Variants in UGT1A10 observed in about 807,000 individuals in gnomAD.
UGT1A10 encodes the protein UDP-glucuronosyltransferase 1A10.
UGT1A10 carries 49 observed loss-of-function variants against 45.8 expected under a neutral mutation model. That is an observed-to-expected ratio of 1.07 (90% confidence interval 0.85 to 1.36). UGT1A10 has a LOEUF of 1.36. Ranked by LOEUF, UGT1A10 falls within the 40% of genes most tolerant of loss-of-function variation. The pLI, the probability that UGT1A10 is intolerant of heterozygous loss-of-function variation, is 0.00. For synonymous variants in UGT1A10, 284 were observed against 249.7 expected (o/e 1.14, Z -1.29); for missense variants, 745 against 668.6 (o/e 1.11, Z -1.26).
At chr2:233,729,375 G>T (rs148006660) in intron 1 of UGT1A10, 2 of 1,613,886 alleles carry the variant, frequency 1.2e-6, no homozygotes, top group Non-Finnish European at 1.7e-6. Flanking sequence ...ATGCCATTTC[G>T]TGGACCCAGG....
At chr2:233,709,172 T>C (rs2076061956) in intron 1 of UGT1A10, among the ~76,000 whole-genome samples, 1 of 152,170 alleles carries the variant, frequency 6.6e-6, no homozygotes, top group South Asian at 2.1e-4. Flanking sequence ...GGTCACATGT[T>C]CTATCCTGAG....
chr2:233,690,724 A>G (rs982739962), intron 1 of UGT1A10: 1 of 1,213,628 alleles, frequency 8.2e-7, no homozygotes, highest in Non-Finnish European at 1.0e-6. Context: ...ACGAACAGAC[A>G]TGCCAGATTC....
intron 1 of UGT1A10, among the ~76,000 whole-genome samples, chr2:233,757,266 G>A (rs1402827144): frequency 1.5e-5 from 2 of 132,588 alleles, no homozygotes; most frequent in African/African-American, 5.6e-5. Context: ...GGTGGCAGCC[G>A]ATGCAATGAT....
At chr2:233,693,360 T>C (rs1395029854) in intron 1 of UGT1A10, 19 of 1,614,090 alleles carry the variant, frequency 1.2e-5, no homozygotes, top group Non-Finnish European at 1.6e-5. Context: ...ATGATTGTTA[T>C]TGGCCTGTAC....
chr2:233,717,910 C>T (rs533075962), intron 1 of UGT1A10: 5 of 454,782 alleles, frequency 1.1e-5, no homozygotes, highest in Admixed American at 4.7e-5. Context: ...GAAATAAAGG[C>T]CTGGATGAAT....
In UGT1A10 at chr2:233,760,331, T is replaced by G. The variant is rs111033541; in HGVS notation, c.856-6703T>G. ...GGCGGACGCCCACTTGTCCTGGGCCTGCTGCTGTGTGTGCTGGGCCCAGTG... is the reference window on the plus strand; with the variant it reads ...GGCGGACGCCCACTTGTCCTGGGCCGGCTGCTGTGTGTGCTGGGCCCAGTG... On this transcript the variant is annotated intron_variant, in intron 1 of 4. Transcript: ENST00000344644. 1.9e-6 allele frequency: 3 copies of G among 1,614,080 alleles called. No individual in the cohort carries two copies. Among genetic ancestry groups the G allele is most frequent in the Non-Finnish European group, 2.5e-6 (3 of 1,179,954 alleles).
chr2:233,748,135 T>C (rs1220195478), intron 1 of UGT1A10: 2 of 1,609,160 alleles, frequency 1.2e-6, no homozygotes, highest in South Asian at 1.1e-5. Flanking sequence ...TTTTTAAAAA[T>C]TGTATTTACT....
chr2:233,736,773 T>A (rs572779533), intron 1 of UGT1A10, among the ~76,000 whole-genome samples: 1 of 152,322 alleles, frequency 6.6e-6, no homozygotes, highest in African/African-American at 2.4e-5. Flanking sequence ...AACAGTCAGA[T>A]CCCTCAGCTG....
chr2:233,742,713 C>T lies in UGT1A10; in HGVS notation c.856-24321C>T, dbSNP rs546122146. 3.3e-4 allele frequency: 50 copies of T among 152,640 alleles called. 1 individual carries two copies. Among genetic ancestry groups the T allele is most frequent in the African/African-American group, 1.1e-3 (46 of 41,252 alleles). 9.5% of individuals were successfully genotyped at this position (152,640 alleles called of 1,614,324 possible). On this transcript the variant is annotated intron_variant, in intron 1 of 4. Coordinates refer to ENST00000344644, the MANE Select transcript of UGT1A10 (RefSeq NM_019075.4). ...GGGAACATGCTTCCACCGATTTCAG[C>T]TCAGTGATATGGGATTCAAATGTCT... is the stretch of plus-strand genomic sequence containing the variant.
chr2:233,713,648 C>T (rs17863790), intron 1 of UGT1A10: 157,940 of 1,613,756 alleles, frequency 0.098, 8,753 homozygotes, highest in South Asian at 0.2. Flanking sequence ...ACCCTCTGGC[C>T]CTGTCCTACC....
chr2:233,692,825 T>A, intron 1 of UGT1A10: 1 of 1,437,362 alleles, frequency 7.0e-7, no homozygotes, highest in South Asian at 1.5e-5. Flanking sequence ...ATTAACCATG[T>A]GATTAAAATG....
intron 1 of UGT1A10, chr2:233,672,839 TA>T: frequency 6.4e-7 from 1 of 1,553,076 alleles, no homozygotes; most frequent in Non-Finnish European, 8.7e-7. Context: ...CTTTGGAAAT[TA>T]AAAAAGGATT....
At chr2:233,648,144 A>G in intron 1 of UGT1A10, 2 of 1,279,330 alleles carry the variant, frequency 1.6e-6, no homozygotes, top group South Asian at 1.7e-5. Flanking sequence ...CAGAAGTACG[A>G]CGCTTATTTT....
chr2:233,712,407 T>A (rs977773031), intron 1 of UGT1A10, among the ~76,000 whole-genome samples: 1 of 152,214 alleles, frequency 6.6e-6, no homozygotes, highest in East Asian at 1.9e-4. Context: ...GAGTCCTCTT[T>A]GAGCTTTACA....
intron 1 of UGT1A10, among the ~76,000 whole-genome samples, chr2:233,686,207 AG>A (rs2074777882): frequency 6.6e-6 from 1 of 152,184 alleles, no homozygotes; most frequent in African/African-American, 2.4e-5. Context: ...AGAAAAAATT[AG>A]AAAAATATTT....
intron 1 of UGT1A10, chr2:233,747,663 A>G (rs1693743118): frequency 1.9e-6 from 3 of 1,600,614 alleles, no homozygotes; most frequent in Admixed American, 1.7e-5. Flanking sequence ...TGTGGTTTTA[A>G]TAGACCCAAT....
At chr2:233,750,007 A>G (rs1252051416) in intron 1 of UGT1A10, among the ~76,000 whole-genome samples, 1 of 151,886 alleles carries the variant, frequency 6.6e-6, no homozygotes, top group African/African-American at 2.4e-5. Flanking sequence ...AATTGGTGCC[A>G]TGGAGAGTGG....
At chr2:233,719,282 TAACCTCTGTGGGGC>T (rs1452808261) in intron 1 of UGT1A10, 2 of 1,614,148 alleles carry the variant, frequency 1.2e-6, no homozygotes, top group Non-Finnish European at 1.7e-6. Flanking sequence ...CAGACCCCGT[TAACCTCTGTGGGGC>T]GGTGCTGGCT....
chr2:233,711,525 A>G (rs28898593), intron 1 of UGT1A10, among the ~76,000 whole-genome samples: 3,267 of 151,616 alleles, frequency 0.022, 100 homozygotes, highest in African/African-American at 0.073. Flanking sequence ...TGTCCTCACA[A>G]CTCCCCGGGA....
Sources: gnomAD v4.1 joint callset for allele counts (sites outside exome capture counted in the v4.1 genomes callset) on GRCh38, gnomAD v4.1.1 for gene constraint, MANE v1.5 for transcripts, NCBI Gene and HGNC (gene_info 2026-07-23, HGNC 2026-07-21) for gene names.